WWOX: variants seen among roughly 807,000 people sequenced by gnomAD.
WWOX encodes the protein WW domain-containing oxidoreductase.
In WWOX, 69 loss-of-function variants were observed where a neutral mutation model predicts 46.2. That is an observed-to-expected ratio of 1.49 (90% confidence interval 1.23 to 1.82). The LOEUF is 1.82. WWOX is among the 40% of genes most tolerant of loss of function. WWOX has a pLI of 0.00. For synonymous variants in WWOX, 359 were observed against 202.6 expected, an observed-to-expected ratio of 1.77 and a Z score of -6.56; for missense variants, 919 against 542.6, an observed-to-expected ratio of 1.69 and a Z score of -6.89.
chr16:79,078,300 A>C (rs17648647), intron 8 of WWOX: 64,075 of 152,044 alleles, frequency 0.42, 14,225 homozygotes, highest in Middle Eastern at 0.52. Context: ...TAGGTTGACA[A>C]ATTCCCCTGA....
In WWOX at chr16:78,603,491, T is replaced by A. The variant is rs1385507195; in HGVS notation, c.1056+170739T>A. Among the ~76,000 whole-genome samples, 6 of 152,284 alleles carry A rather than the reference T, an allele frequency of 3.9e-5. No homozygotes were observed. In the South Asian group the frequency reaches 8.3e-4, roughly 21 times the overall value. ...GGACGGATTACTTGAGGCCAGGAGT[T>A]CGAGACCAGCCTGGCCAACATGGTG... is the stretch of plus-strand genomic sequence containing the variant. On this transcript the variant is annotated intron_variant, in intron 8 of 8. Coordinates refer to ENST00000566780, the MANE Select transcript of WWOX (RefSeq NM_016373.4).
At chr16:78,582,216 A>G (rs1445880657) in intron 8 of WWOX, among the ~76,000 whole-genome samples, 3 of 152,224 alleles carry the variant, frequency 2.0e-5, no homozygotes, top group Non-Finnish European at 4.4e-5. Flanking sequence ...TAAGTGGTCA[A>G]TACATGGCCA....
chr16:78,936,321 C>T (rs965710713), intron 8 of WWOX, among the ~76,000 whole-genome samples: 3 of 152,236 alleles, frequency 2.0e-5, no homozygotes, highest in East Asian at 1.9e-4. Context: ...CCATCCCAAG[C>T]GAGTTTTCCC....
chr16:78,673,999 C>G (rs2047527567), intron 8 of WWOX, among the ~76,000 whole-genome samples: 1 of 151,864 alleles, frequency 6.6e-6, no homozygotes, highest in South Asian at 2.1e-4. Flanking sequence ...TTTACTAAAA[C>G]CTGCAAGAGA....
intron 8 of WWOX, among the ~76,000 whole-genome samples, chr16:79,158,448 G>T (rs2050423857): frequency 6.6e-6 from 1 of 152,124 alleles, no homozygotes; most frequent in Non-Finnish European, 1.5e-5. Context: ...CCAGCGGATG[G>T]CGTTTAACTC....
At chr16:79,113,237 CA>C (rs901805585) in intron 8 of WWOX, among the ~76,000 whole-genome samples, 4 of 152,128 alleles carry the variant, frequency 2.6e-5, no homozygotes, top group Non-Finnish European at 5.9e-5. Context: ...GAAGGGGAAG[CA>C]AAAGCCATCC....
intron 8 of WWOX, among the ~76,000 whole-genome samples, chr16:78,887,528 C>G (rs1461664245): frequency 2.1e-5 from 3 of 140,232 alleles, no homozygotes; most frequent in East Asian, 2.2e-4. Context: ...CAAGAAATGA[C>G]TACAGACACC....
At chr16:78,409,974 C>A (rs2082639226) in intron 6 of WWOX, among the ~76,000 whole-genome samples, 1 of 152,180 alleles carries the variant, frequency 6.6e-6, no homozygotes, top group Non-Finnish European at 1.5e-5. Flanking sequence ...CCTGCACATG[C>A]CATGTTGAAA....
At chr16:79,132,582 G>C (rs1220764625) in intron 8 of WWOX, among the ~76,000 whole-genome samples, 2 of 152,012 alleles carry the variant, frequency 1.3e-5, no homozygotes, top group Non-Finnish European at 2.9e-5. Context: ...TTTGCTCTCT[G>C]TCTGGTTTCT....
intron 8 of WWOX, among the ~76,000 whole-genome samples, chr16:78,495,633 C>G (rs928072837): frequency 6.6e-6 from 1 of 150,554 alleles, no homozygotes; most frequent in African/African-American, 2.4e-5. Context: ...CTCAACCTCC[C>G]GAGTAGCTGG....
chr16:78,252,651 TTA>T (rs1168762049), intron 5 of WWOX, among the ~76,000 whole-genome samples: 1 of 152,218 alleles, frequency 6.6e-6, no homozygotes, highest in African/African-American at 2.4e-5. Context: ...TTACCAGCGA[TTA>T]ATTATGCCTT....
intron 8 of WWOX, among the ~76,000 whole-genome samples, chr16:78,489,079 C>G (rs768932749): frequency 2.6e-5 from 4 of 152,098 alleles, no homozygotes; most frequent in Admixed American, 6.5e-5. Context: ...GCTTACCTTT[C>G]TAGCTGAGAT....
chr16:78,825,286 C>T lies in WWOX; in HGVS notation c.1057-386322C>T, dbSNP rs146324660. 7.9e-4 allele frequency: 225 copies of T among 283,276 alleles called. 2 individuals are homozygous for T. Among genetic ancestry groups the T allele is most frequent in the African/African-American group, 3.7e-3 (168 of 45,634 alleles). The allele number at this position is 283,276 out of a possible 1,614,324, so 17.5% of individuals were successfully genotyped here. A position where few individuals can be genotyped will look rare whatever the true frequency, so the allele number is the denominator to read the frequency against. ...TGATGGTGTGCAGCAGCATGATGGC[C>T]GCGCGAATTTCCAAGAAGAGGATGT... On this transcript the variant is annotated intron_variant, in intron 8 of 8. Coordinates refer to ENST00000566780, the MANE Select transcript of WWOX (RefSeq NM_016373.4).
chr16:78,386,907 T>C lies in WWOX; in HGVS notation c.564T>C (p.Arg188=), dbSNP rs1170485717. ...EAMTLDLALL[R]SVQHFAEAFK... is the part of the protein sequence containing the mutation. Reference sequence around the variant, plus strand: ...TGACCCTGGACCTCGCTCTGCTCCGTAGCGTGCAGCATTTTGCTGAAGCAT... The same window carrying C: ...TGACCCTGGACCTCGCTCTGCTCCGCAGCGTGCAGCATTTTGCTGAAGCAT... Residue 188 remains arginine, a synonymous_variant, in exon 6 of 9, where the codon CGT becomes CGC. Transcript: ENST00000566780. The C allele has an allele frequency of 1.2e-6, 2 of 1,614,158 alleles. No individual in the cohort carries two copies. The highest frequency in any genetic ancestry group is 4.5e-5 in the East Asian group (2 of 44,890).
intron 8 of WWOX, among the ~76,000 whole-genome samples, chr16:79,191,010 C>A (rs138517009): frequency 1.3e-5 from 2 of 152,180 alleles, no homozygotes; most frequent in Admixed American, 6.5e-5. Context: ...TAATAAGATG[C>A]TGGGAAGATG....
chr16:78,409,368 A>C (rs1175176143), intron 6 of WWOX, among the ~76,000 whole-genome samples: 5 of 152,098 alleles, frequency 3.3e-5, no homozygotes, highest in Admixed American at 6.6e-5. Context: ...TACTGTAGTC[A>C]TACCTGCTCC....
intron 5 of WWOX, among the ~76,000 whole-genome samples, chr16:78,366,400 C>T (rs559809162): frequency 6.6e-6 from 1 of 152,130 alleles, no homozygotes; most frequent in Admixed American, 6.6e-5. Flanking sequence ...TTGTATATTT[C>T]ATCAAATAGT....
chr16:78,345,415 G>A lies in WWOX; in HGVS notation c.517-41445G>A, dbSNP rs373511202. On this transcript the variant is annotated intron_variant, in intron 5 of 8. Transcript: ENST00000566780. ...GTGGGCAGATTACTTGAGCCCAGGT[G>A]TTGGAGACCAGCCTGAGCACCATGG... Among the ~76,000 whole-genome samples the A allele has an allele frequency of 4.6e-5, 4 of 86,422 alleles. No individual in the cohort carries two copies. The South Asian group carries it at 1.6e-3, about 36-fold the overall frequency. The allele number at this position is 86,422 out of a possible 152,430, so 56.7% of individuals were successfully genotyped here.
intron 6 of WWOX, among the ~76,000 whole-genome samples, chr16:78,401,237 T>TG (rs2151943979): frequency 6.6e-6 from 1 of 152,276 alleles, no homozygotes; most frequent in Non-Finnish European, 1.5e-5. Flanking sequence ...ACCACTTTTT[T>TG]CTACATTTTC....
Sources: gnomAD v4.1 joint callset for allele counts (sites outside exome capture counted in the v4.1 genomes callset) on GRCh38, gnomAD v4.1.1 for gene constraint, MANE v1.5 for transcripts, NCBI Gene and HGNC (gene_info 2026-07-23, HGNC 2026-07-21) for gene names.